The following DOK5 variants were observed in gnomAD, a reference collection of about 807,000 sequenced individuals.
The protein encoded by DOK5 is downstream of tyrosine kinase 5.
DOK5 carries 27 observed loss-of-function variants against 43.3 expected under a neutral mutation model. That is an observed-to-expected ratio of 0.62 (90% CI 0.46 to 0.86). DOK5 has a LOEUF of 0.86. DOK5 is among the 40% of genes least tolerant of loss of function. The pLI, the probability that DOK5 is intolerant of heterozygous loss-of-function variation, is 0.00. For synonymous variants in DOK5, 146 were observed against 140.1 expected, an observed-to-expected ratio of 1.04 and a Z score of -0.30; for missense variants, 373 against 392.9, an observed-to-expected ratio of 0.95 and a Z score of 0.43.
At chr20:54,592,935 G>A (rs908352367) in intron 5 of DOK5, among the ~76,000 whole-genome samples, 3 of 152,060 alleles carry the variant, frequency 2.0e-5, no homozygotes, top group African/African-American at 4.8e-5. Flanking sequence ...CCATTAACTT[G>A]TGATGTTAAA....
At chr20:54,493,581 A>G (rs1429069544) in intron 1 of DOK5, among the ~76,000 whole-genome samples, 3 of 152,188 alleles carry the variant, frequency 2.0e-5, no homozygotes, top group African/African-American at 7.2e-5. Flanking sequence ...CACACTAGCC[A>G]CATTTTAAGT....
At chr20:54,618,500 C>T (rs1009701696) in intron 6 of DOK5, among the ~76,000 whole-genome samples, 6 of 152,058 alleles carry the variant, frequency 3.9e-5, no homozygotes, top group Admixed American at 6.6e-5. Context: ...CCTGCCAGCA[C>T]GCCTGGCTAA....
intron 6 of DOK5, among the ~76,000 whole-genome samples, chr20:54,623,541 A>T (rs1600745495): frequency 1.3e-5 from 2 of 152,212 alleles, no homozygotes; most frequent in Admixed American, 6.5e-5. Context: ...GTAAGATTCA[A>T]CACATGTGAA....
intron 6 of DOK5, among the ~76,000 whole-genome samples, chr20:54,635,308 A>G (rs1465892787): frequency 6.6e-5 from 10 of 152,196 alleles, no homozygotes; most frequent in Non-Finnish European, 1.3e-4. Context: ...TATTCTGTAG[A>G]GAATCTTCTT....
rs1982511196 is a variant in DOK5 at position 54,499,400 on chromosome 20, G to A, written c.66+23388G>A. Among the ~76,000 whole-genome samples the A allele has an allele frequency of 3.9e-5, 6 of 152,304 alleles. No individual in the cohort carries two copies. The South Asian group carries it at 1.2e-3, about 32-fold the overall frequency. ...GTTTGAATTTGTATTTGTGGTACCG[G>A]TGTCCATGCTAGTTCTGTTACCTAT... On this transcript the variant is annotated intron_variant, in intron 1 of 7. Coordinates refer to ENST00000262593, the MANE Select transcript of DOK5 (RefSeq NM_018431.5).
In DOK5 at chr20:54,588,802, G is replaced by A; in HGVS notation, c.405G>A (p.Gln135=). 1 of 1,613,798 alleles carries A rather than the reference G, an allele frequency of 6.2e-7. No individual in the cohort carries two copies. Among genetic ancestry groups the A allele is most frequent in the African/African-American group, 1.3e-5 (1 of 75,012 alleles). Residue 135 remains glutamine, a synonymous_variant, in exon 4 of 8, where the codon CAG becomes CAA. Coordinates refer to ENST00000262593, the MANE Select transcript of DOK5 (RefSeq NM_018431.5). ...TGGCCACTGGGGTTGAGAGAGAACA[G>A]AGTGGTATGTAAAGAAAATTCTCTC... ...DLLATGVERE[Q]SERFNVYLMP... is the part of the protein sequence containing the mutation.
intron 1 of DOK5, among the ~76,000 whole-genome samples, chr20:54,544,082 T>C (rs941700457): frequency 2.6e-5 from 4 of 152,208 alleles, no homozygotes; most frequent in African/African-American, 9.6e-5. Context: ...TGTGGATGCT[T>C]TTTAAGGATT....
chr20:54,605,378 A>G (rs1407432008), intron 5 of DOK5, among the ~76,000 whole-genome samples: 1 of 152,248 alleles, frequency 6.6e-6, no homozygotes, highest in Admixed American at 6.5e-5. Context: ...CTCAGTGCAT[A>G]TGAACCATAG....
intron 1 of DOK5, among the ~76,000 whole-genome samples, chr20:54,489,407 T>C (rs1235204170): frequency 6.6e-6 from 1 of 152,136 alleles, no homozygotes; most frequent in East Asian, 1.9e-4. Flanking sequence ...TGTGTGTGTG[T>C]GGGCTTGTGT....
intron 2 of DOK5, among the ~76,000 whole-genome samples, chr20:54,561,080 G>C (rs1984888389): frequency 6.6e-6 from 1 of 152,298 alleles, no homozygotes; most frequent in African/African-American, 2.4e-5. Context: ...CACTCCCGCT[G>C]TATAGACCCC....
chr20:54,481,082 TCATCTAC>T (rs1981686099), intron 1 of DOK5, among the ~76,000 whole-genome samples: 1 of 121,250 alleles, frequency 8.2e-6, no homozygotes, highest in African/African-American at 4.4e-5. Flanking sequence ...TATCTATCTA[TCATCTAC>T]CATCTATCTA....
intron 6 of DOK5, 117 bp from the exon 7 acceptor site, chr20:54,643,341 T>C: frequency 2.9e-6 from 4 of 1,381,346 alleles, no homozygotes; most frequent in Non-Finnish European, 4.0e-6. Flanking sequence ...CGATGTTCAT[T>C]GATTTGCAGC....
At chr20:54,614,463 G>A (rs1986744576) in intron 6 of DOK5, among the ~76,000 whole-genome samples, 1 of 152,130 alleles carries the variant, frequency 6.6e-6, no homozygotes, top group Non-Finnish European at 1.5e-5. Flanking sequence ...GATCCCTTTA[G>A]GCACCTGAAG....
At position 54,607,022 on chromosome 20, in the gene DOK5, A is replaced by G. The variant is rs1568807257; in HGVS notation, c.600-3366A>G. 3.3e-5 allele frequency among the ~76,000 whole-genome samples: 5 copies of G among 152,338 alleles called. No individual in the cohort carries two copies. The East Asian group carries it at 7.7e-4, about 23-fold the overall frequency. ...AGAAAATGAAACAAGTTGCTGACAT[A>G]TAAAATTCAGGTGACTTCACATAAA... On this transcript the variant is annotated intron_variant, in intron 5 of 7. Transcript: ENST00000262593.
In DOK5 at chr20:54,549,942, A is replaced by G. The variant is rs112363829; in HGVS notation, c.67-4991A>G. On this transcript the variant is annotated intron_variant, in intron 1 of 7. Transcript: ENST00000262593. ...CAGAGTGACGTTCATTCCCACTGTA[A>G]TTACAGTTCTCAGGTGGTGGAAATA... Among the ~76,000 whole-genome samples, 237 of 152,278 alleles carry G rather than the reference A, an allele frequency of 1.6e-3. 1 individual carries two copies. The highest frequency in any genetic ancestry group is 3.7e-3 in the African/African-American group (155 of 41,548).
At chr20:54,628,467 CAA>C (rs1487485176) in intron 6 of DOK5, among the ~76,000 whole-genome samples, 1 of 97,214 alleles carries the variant, frequency 1.0e-5, no homozygotes, top group Non-Finnish European at 2.0e-5. Context: ...TCCTGTAACA[CAA>C]AGAGGAATGC....
intron 6 of DOK5, among the ~76,000 whole-genome samples, chr20:54,625,997 C>G (rs1374425511): frequency 6.6e-6 from 1 of 152,222 alleles, no homozygotes; most frequent in Non-Finnish European, 1.5e-5. Context: ...CGAGGAGGGT[C>G]TTCTCTCCTT....
At chr20:54,537,604 A>G (rs1056740572) in intron 1 of DOK5, among the ~76,000 whole-genome samples, 1 of 152,144 alleles carries the variant, frequency 6.6e-6, no homozygotes, top group Non-Finnish European at 1.5e-5. Flanking sequence ...GGCAAAATAG[A>G]CCGATAGTAA....
Position 54,543,541 on chromosome 20 carries a change from C to CTGTGTG in DOK5, c.67-11368_67-11363dup, listed in dbSNP as rs74179284. 7.7e-3 allele frequency among the ~76,000 whole-genome samples: 1,111 copies of CTGTGTG among 143,542 alleles called. 8 individuals are homozygous for CTGTGTG. Among genetic ancestry groups the CTGTGTG allele is most frequent in the Middle Eastern group, 0.022 (6 of 278 alleles). 94.2% of individuals were successfully genotyped at this position (143,542 alleles called of 152,430 possible). A position where few individuals can be genotyped will look rare whatever the true frequency, so the allele number is the denominator to read the frequency against. ...AAGTGCAGATTATTCCCTAGAATTG[C>CTGTGTG]TGTGTGTGTGTGTGTGTGTGTGTGT... On this transcript the variant is annotated intron_variant, in intron 1 of 7. Coordinates refer to ENST00000262593, the MANE Select transcript of DOK5 (RefSeq NM_018431.5).
Sources: allele counts gnomAD v4.1 joint callset (sites outside exome capture counted in the v4.1 genomes callset), GRCh38; gene constraint gnomAD v4.1.1; transcripts MANE v1.5; gene names NCBI Gene and HGNC (gene_info 2026-07-23, HGNC 2026-07-21).